Variants in CD44 observed in about 807,000 individuals in gnomAD.
The protein encoded by CD44 is CD44 antigen.
A neutral mutation model predicts 88.8 loss-of-function variants in CD44; 49 were observed. The observed-to-expected ratio is 0.55, with a 90% CI of 0.44 to 0.70. The LOEUF is 0.70. Ranked by LOEUF, CD44 falls within the 30% of genes least tolerant of loss-of-function variation. The pLI, the probability that CD44 is intolerant of heterozygous loss-of-function variation, is 0.00. For synonymous variants in CD44, 325 were observed against 312.3 expected, an observed-to-expected ratio of 1.04 and a Z score of -0.43; for missense variants, 883 against 913.8, an observed-to-expected ratio of 0.97 and a Z score of 0.43.
chr11:35,141,693 G>C (rs769605468), intron 1 of CD44, among the ~76,000 whole-genome samples: 23 of 152,118 alleles, frequency 1.5e-4, no homozygotes, highest in Non-Finnish European at 3.2e-4. Context: ...GTGTTTCCAC[G>C]GCCCCTTTGC....
chr11:35,164,383 T>G (rs1004891397), intron 1 of CD44, among the ~76,000 whole-genome samples: 1 of 152,242 alleles, frequency 6.6e-6, no homozygotes, highest in Admixed American at 6.5e-5. Flanking sequence ...TAGCATCTAT[T>G]AAGGCACATA....
At chr11:35,208,083 A>T in intron 11 of CD44, 22 bp from the exon 12 acceptor site, 1 of 1,413,812 alleles carries the variant, frequency 7.1e-7, no homozygotes, top group Non-Finnish European at 1.0e-6. Flanking sequence ...TCAAGCAATA[A>T]CACTAATATT....
At chr11:35,140,826 C>G (rs1435012922) in intron 1 of CD44, among the ~76,000 whole-genome samples, 1 of 152,088 alleles carries the variant, frequency 6.6e-6, no homozygotes, top group African/African-American at 2.4e-5. Context: ...TTGAGACCAG[C>G]CTTGGCCAAC....
At chr11:35,222,093 A>G (rs1322950869) in intron 17 of CD44, among the ~76,000 whole-genome samples, 7 of 152,380 alleles carry the variant, frequency 4.6e-5, no homozygotes, top group African/African-American at 1.7e-4. Flanking sequence ...GATGAAAGTT[A>G]TGAAGTATCT....
chr11:35,188,853 G>A (rs1399513093), intron 4 of CD44, among the ~76,000 whole-genome samples: 2 of 151,922 alleles, frequency 1.3e-5, no homozygotes, highest in Non-Finnish European at 1.5e-5. Context: ...CAGGAGAGTT[G>A]CTTGAACCCA....
chr11:35,200,125 G>T (rs376256171), intron 7 of CD44, among the ~76,000 whole-genome samples: 1 of 151,716 alleles, frequency 6.6e-6, no homozygotes, highest in Non-Finnish European at 1.5e-5. Flanking sequence ...TTGAGAATGT[G>T]GTTAATGATT....
At chr11:35,206,659 T>A (rs1357456356) in intron 11 of CD44, among the ~76,000 whole-genome samples, 2 of 42,254 alleles carry the variant, frequency 4.7e-5, no homozygotes, top group South Asian at 8.5e-4. Flanking sequence ...AAGTGGGTGG[T>A]GGGGGTTGGT....
rs114489616 is a variant in CD44 at position 35,200,693 on chromosome 11, A to G, written c.923-389A>G. 4.0e-3 allele frequency: 710 copies of G among 177,358 alleles called. 8 individuals are homozygous for G. The highest frequency in any genetic ancestry group is 0.016 in the African/African-American group (661 of 42,606). 11.0% of individuals were successfully genotyped at this position (177,358 alleles called of 1,614,324 possible). On this transcript the variant is annotated intron_variant, in intron 7 of 17. Coordinates refer to ENST00000428726, the MANE Select transcript of CD44 (RefSeq NM_000610.4). ...GATCTACAAACAGCACACAGTGACT[A>G]AGTCCCTGGGCTTTCAAGTGCAGAG... is the stretch of plus-strand genomic sequence containing the variant.
intron 1 of CD44, among the ~76,000 whole-genome samples, chr11:35,169,248 C>T (rs771479840): frequency 1.3e-5 from 2 of 152,136 alleles, no homozygotes; most frequent in Non-Finnish European, 2.9e-5. Context: ...AGAAGGGAGA[C>T]ACCATTTCTG....
intron 3 of CD44, among the ~76,000 whole-genome samples, chr11:35,185,757 G>A (rs1160539283): frequency 1.3e-5 from 2 of 152,134 alleles, no homozygotes; most frequent in African/African-American, 2.4e-5. Context: ...TTCTATAAAG[G>A]CAAAACCAGT....
intron 1 of CD44, among the ~76,000 whole-genome samples, chr11:35,163,962 G>C (rs145291353): frequency 2.0e-5 from 3 of 151,942 alleles, no homozygotes; most frequent in Admixed American, 1.3e-4. Flanking sequence ...TTCAATGATC[G>C]CAATAGTACT....
intron 1 of CD44, among the ~76,000 whole-genome samples, chr11:35,162,428 A>C (rs1379385516): frequency 6.6e-6 from 1 of 152,194 alleles, no homozygotes; most frequent in African/African-American, 2.4e-5. Context: ...CTTCATTTCC[A>C]AGCCTCTGGA....
At chr11:35,223,274 C>T (rs1274119427) in intron 17 of CD44, 1 of 985,166 alleles carries the variant, frequency 1.0e-6, no homozygotes, top group Non-Finnish European at 1.2e-6. Context: ...CTTCAGCTTC[C>T]TCATTTTCCC....
chr11:35,176,832 A>G, intron 2 of CD44, 92 bp downstream of exon 2: 1 of 1,244,842 alleles, frequency 8.0e-7, no homozygotes, highest in East Asian at 2.4e-5. Flanking sequence ...CCCACAGCTG[A>G]ATGGATTATT....
intron 1 of CD44, among the ~76,000 whole-genome samples, chr11:35,139,798 C>A (rs1857541472): frequency 6.6e-6 from 1 of 152,194 alleles, no homozygotes; most frequent in Non-Finnish European, 1.5e-5. Context: ...TGGAACAGGG[C>A]GAGTGGCTGT....
chr11:35,161,351 C>T (rs959025211), intron 1 of CD44, among the ~76,000 whole-genome samples: 21 of 152,164 alleles, frequency 1.4e-4, no homozygotes, highest in African/African-American at 4.6e-4. Context: ...CACAAGAGCT[C>T]AAGCCAGGAC....
intron 5 of CD44, among the ~76,000 whole-genome samples, chr11:35,190,861 A>T (rs1946199744): frequency 6.6e-6 from 1 of 152,332 alleles, no homozygotes; most frequent in South Asian, 2.1e-4. Flanking sequence ...GTAATTCATT[A>T]CTTAGGGTTG....
At chr11:35,177,329 C>A (rs996850767) in intron 2 of CD44, among the ~76,000 whole-genome samples, 7 of 152,172 alleles carry the variant, frequency 4.6e-5, no homozygotes, top group African/African-American at 1.7e-4. Flanking sequence ...CTGCATAGAG[C>A]CTTCCTCAAA....
chr11:35,179,818 A>G (rs1373689765), intron 2 of CD44, among the ~76,000 whole-genome samples: 1 of 152,174 alleles, frequency 6.6e-6, no homozygotes, highest in Non-Finnish European at 1.5e-5. Flanking sequence ...CAGGTCTGGA[A>G]TGTGTGCACT....
Sources: gnomAD v4.1 joint callset for allele counts (sites outside exome capture counted in the v4.1 genomes callset) on GRCh38, gnomAD v4.1.1 for gene constraint, MANE v1.5 for transcripts, NCBI Gene and HGNC (gene_info 2026-07-23, HGNC 2026-07-21) for gene names.